NPHP4: variants seen among roughly 807,000 people sequenced by gnomAD.
The protein encoded by NPHP4 is nephrocystin 4, also known as nephrocystin-4.
In NPHP4, 151 loss-of-function variants were observed where a neutral mutation model predicts 155.8. That is an observed-to-expected ratio of 0.97 (90% CI 0.85 to 1.11). The LOEUF (loss-of-function observed/expected upper bound fraction) is 1.11. Among genes scored for constraint, NPHP4 ranks in the 50% least tolerant of loss-of-function variants. The probability of loss-of-function intolerance (pLI) is 0.00; values close to 1 mark genes in which losing one functional copy is unlikely to be tolerated. For synonymous variants in NPHP4, 845 were observed against 816.8 expected (o/e 1.03, Z -0.59); for missense variants, 1,956 against 1,925.7 (o/e 1.02, Z -0.29).
rs74049339 is a variant in NPHP4, at chr1:5,980,594, C to G, written c.136-2181G>C. On this transcript the variant is annotated intron_variant, in intron 2 of 29. Coordinates refer to ENST00000378156, the MANE Select transcript of NPHP4 (RefSeq NM_015102.5). The stretch of plus-strand genomic sequence containing the variant: ...GAAGCAGGGGCCAATTAGGAGGAGG[C>G]GAGACAGGGAGGGGCAGGGAGGGTG... Among the ~76,000 whole-genome samples the G allele has an allele frequency of 4.5e-3, 676 of 151,050 alleles. 4 individuals are homozygous for G. The highest frequency in any genetic ancestry group is 0.015 in the African/African-American group (634 of 41,394).
At chr1:5,979,378 G>A (rs1222548619) in intron 2 of NPHP4, among the ~76,000 whole-genome samples, 1 of 152,054 alleles carries the variant, frequency 6.6e-6, no homozygotes, top group Non-Finnish European at 1.5e-5. Flanking sequence ...GATGATCCTT[G>A]AGCTGAGAAC....
intron 1 of NPHP4, among the ~76,000 whole-genome samples, chr1:5,991,829 G>A (rs1351441282): frequency 6.6e-6 from 1 of 151,768 alleles, no homozygotes; most frequent in Non-Finnish European, 1.5e-5. Flanking sequence ...GCGGACTCCG[G>A]CCTGGGAAGG....
At position 5,890,991 on chromosome 1, in the gene NPHP4, AG is replaced by A; in HGVS notation, c.2180del (p.Pro727LeufsTer4). ...PGFQLRYMVG[P>X]GFLKPGERRC... ...GCCGCTCACCTGGCTTCAGGAACCCAGGGCCCACCATGTACCTCAGCTGGAA... is the reference window on the plus strand; with the variant it reads ...GCCGCTCACCTGGCTTCAGGAACCCAGGCCCACCATGTACCTCAGCTGGAA... On this transcript the variant is annotated frameshift_variant, in exon 17 of 30. Transcript: ENST00000378156. LOFTEE classifies it high-confidence loss of function. The surrounding 1 kb of genome is among the most constrained non-coding windows in gnomAD (Gnocchi z 4.9). The A allele has an allele frequency of 6.3e-7, 1 of 1,576,664 alleles. No homozygotes were observed. The highest frequency in any genetic ancestry group is 1.7e-4 in the Middle Eastern group (1 of 5,928).
chr1:5,903,387 T>C (rs1644766274), intron 16 of NPHP4, among the ~76,000 whole-genome samples: 1 of 152,238 alleles, frequency 6.6e-6, no homozygotes, highest in South Asian at 2.1e-4. Context: ...CAGGTGCCAC[T>C]GTTAGGCTAC....
chr1:5,908,346 T>C (rs1459954881), intron 12 of NPHP4, among the ~76,000 whole-genome samples: 2 of 152,208 alleles, frequency 1.3e-5, no homozygotes, highest in Non-Finnish European at 2.9e-5. Context: ...CCTGATCCAG[T>C]TTCCCACTGC....
intron 9 of NPHP4, among the ~76,000 whole-genome samples, chr1:5,939,494 G>A (rs115551147): frequency 0.012 from 1,794 of 152,318 alleles, 37 homozygotes; most frequent in African/African-American, 0.04. Flanking sequence ...GCAGCTCTCC[G>A]TCATCTGAGC....
intron 11 of NPHP4, among the ~76,000 whole-genome samples, 170 bp from the exon 12 acceptor site, chr1:5,909,383 A>G (rs998416059): frequency 7.2e-5 from 11 of 152,100 alleles, no homozygotes; most frequent in Non-Finnish European, 1.5e-5. Context: ...GTGCCACCCA[A>G]AAGTGTCGCT....
chr1:5,863,157 G>A lies in NPHP4; in HGVS notation c.*108C>T. The A allele has an allele frequency of 8.2e-7, 1 of 1,213,126 alleles. No homozygotes were observed. Among genetic ancestry groups the A allele is most frequent in the Non-Finnish European group, 1.2e-6 (1 of 819,516 alleles). The allele number at this position is 1,213,126 out of a possible 1,614,324, so 75.1% of individuals were successfully genotyped here. A position where few individuals can be genotyped will look rare whatever the true frequency, so the allele number is the denominator to read the frequency against. ...CCAAGTGCACAGGTCAGCCAGGTGG[G>A]CACTGAAGTGAAAGGCTGCAGAGAG... On this transcript the variant is annotated 3_prime_UTR_variant, in exon 30 of 30. Transcript: ENST00000378156.
chr1:5,965,877 G>A (rs1025917855), intron 5 of NPHP4, among the ~76,000 whole-genome samples: 6 of 152,030 alleles, frequency 3.9e-5, no homozygotes, highest in African/African-American at 1.2e-4. Flanking sequence ...ACTTCCCCTC[G>A]GGTCCTGCCA....
chr1:5,928,672 G>A (rs11590397), intron 10 of NPHP4, among the ~76,000 whole-genome samples: 25,993 of 152,138 alleles, frequency 0.17, 2,291 homozygotes, highest in African/African-American at 0.21. Flanking sequence ...ATATTAATCA[G>A]TGTAGCTGTA....
chr1:5,919,800 C>T (rs567186252), intron 11 of NPHP4, among the ~76,000 whole-genome samples: 57 of 151,896 alleles, frequency 3.8e-4, no homozygotes, highest in African/African-American at 1.1e-3. Flanking sequence ...AGTACAGTGA[C>T]GTGATCATAG....
intron 23 of NPHP4, among the ~76,000 whole-genome samples, chr1:5,869,856 A>G (rs2100540417): frequency 6.6e-6 from 1 of 152,328 alleles, no homozygotes; most frequent in Admixed American, 6.5e-5. Flanking sequence ...AATTACAAAC[A>G]TGGAAAAAAA....
chr1:5,875,038 T>C lies in NPHP4; in HGVS notation c.2880A>G (p.Glu960=). The part of the protein sequence containing the change: ...RDLQVIAAYR[E]RTKAESIASL... The stretch of plus-strand genomic sequence containing the variant: ...TGGCGATGCTCTCGGCCTTCGTGCG[T>C]TCCCGGTAGGCGGCGATGACCTGTA... The change falls in exon 21 of 30, where the codon GAA becomes GAG. Residue 960 remains glutamate, a synonymous_variant. Transcript: ENST00000378156. 6.2e-7 allele frequency: 1 copy of C among 1,609,584 alleles called. No homozygotes were observed. Among genetic ancestry groups the C allele is most frequent in the Non-Finnish European group, 8.5e-7 (1 of 1,179,828 alleles).
At chr1:5,880,369 C>T (rs377018453) in intron 18 of NPHP4, 130 bp from the exon 19 acceptor site, 25 of 879,016 alleles carry the variant, frequency 2.8e-5, no homozygotes, top group Middle Eastern at 2.2e-4. Flanking sequence ...AAGGCCCCAC[C>T]GCCTCTGTTT....
At chr1:5,869,119 A>ACG (rs1357304798) in intron 23 of NPHP4, among the ~76,000 whole-genome samples, 1 of 130,966 alleles carries the variant, frequency 7.6e-6, no homozygotes, top group Non-Finnish European at 1.7e-5. Flanking sequence ...CCACATGCAC[A>ACG]CACGCACAAT....
At chr1:5,866,488 C>G (rs1641243298) in intron 25 of NPHP4, 30 bp from the exon 26 acceptor site, 1 of 1,379,520 alleles carries the variant, frequency 7.2e-7, no homozygotes, top group African/African-American at 1.4e-5. Context: ...CACATCAGGG[C>G]ACACAGTGCT....
At chr1:5,968,410 T>C (rs1348130848) in intron 4 of NPHP4, among the ~76,000 whole-genome samples, 2 of 152,144 alleles carry the variant, frequency 1.3e-5, no homozygotes, top group Non-Finnish European at 2.9e-5. Context: ...AAGACCAGCC[T>C]GGGCAACATA....
chr1:5,969,094 C>T lies in NPHP4; in HGVS notation c.445G>A (p.Asp149Asn), dbSNP rs1652077733. ...TAGAAACAAGGCAGGTACCTTTTGT[C>T]CTGGGAAGCAGAGATAGGAGAGTCC... ...QPDSPISASQ[D>N]KRLRLYHGTP... The change falls in exon 4 of 30, where the codon GAC becomes AAC. Residue 149 changes from aspartate to asparagine, a missense_variant. Coordinates refer to ENST00000378156, the MANE Select transcript of NPHP4 (RefSeq NM_015102.5). 8 of 1,549,248 alleles carry T rather than the reference C, an allele frequency of 5.2e-6. No individual in the cohort carries two copies. The highest frequency in any genetic ancestry group is 7.0e-6 in the Non-Finnish European group (8 of 1,145,128).
intron 19 of NPHP4, 77 bp downstream of exon 19, chr1:5,880,037 A>T: frequency 1.3e-6 from 2 of 1,535,054 alleles, no homozygotes; most frequent in Non-Finnish European, 1.8e-6. Context: ...GCATGCACAC[A>T]CACACACACG....
Sources: gnomAD v4.1 joint callset for allele counts (sites outside exome capture counted in the v4.1 genomes callset) on GRCh38, gnomAD v4.1.1 for gene constraint, Gnocchi (gnomAD v3.1) non-coding constraint, MANE v1.5 for transcripts, NCBI Gene and HGNC (gene_info 2026-07-23, HGNC 2026-07-21) for gene names.